Variants in DRC4 observed in about 807,000 individuals in gnomAD.
DRC4 encodes GAS-11.
At chr16:90,021,582 G>C in the DRC4 span, among the ~76,000 whole-genome samples, 2 of 151,970 alleles carry the variant, frequency 1.3e-5, no homozygotes, top group East Asian at 3.9e-4. Flanking sequence ...TTAAAGATGA[G>C]AGCTTAGGGC....
At chr16:90,021,718 A>G in the DRC4 span, among the ~76,000 whole-genome samples, 1 of 152,048 alleles carries the variant, frequency 6.6e-6, no homozygotes, top group Non-Finnish European at 1.5e-5. Context: ...AACTTAAAAA[A>G]AAAAGCTGGG....
the DRC4 span, chr16:90,043,532 G>A: frequency 1.6e-6 from 1 of 640,432 alleles, no homozygotes; most frequent in South Asian, 1.9e-5. Flanking sequence ...CTCACCCATG[G>A]TGTCCCTGTC....
the DRC4 span, among the ~76,000 whole-genome samples, chr16:90,034,491 G>T: frequency 6.6e-6 from 1 of 151,968 alleles, no homozygotes; most frequent in Non-Finnish European, 1.5e-5. Context: ...GCGTGGTGGC[G>T]CACACCTATA....
At chr16:90,036,253 G>A in the DRC4 span, 1 of 792,918 alleles carries the variant, frequency 1.3e-6, no homozygotes. Context: ...TTCTCTTGCA[G>A]AGCTTTTGCC....
At chr16:90,019,844 G>C in the DRC4 span, 1 of 687,526 alleles carries the variant, frequency 1.5e-6, no homozygotes, top group South Asian at 1.5e-5. This position sits in a 1 kb window ranked among gnomAD's most constrained non-coding sequence, Gnocchi z 6.1. Context: ...GGCCTGACTC[G>C]CGCTGGGTAA....
the DRC4 span, among the ~76,000 whole-genome samples, chr16:90,031,833 C>T: frequency 2.6e-4 from 39 of 152,272 alleles, no homozygotes; most frequent in African/African-American, 7.9e-4. Flanking sequence ...CATAGGTGAA[C>T]AGGCATGTGT....
the DRC4 span, among the ~76,000 whole-genome samples, chr16:90,025,577 G>A: frequency 6.8e-6 from 1 of 148,046 alleles, no homozygotes; most frequent in African/African-American, 2.5e-5. Context: ...TTGAATCCGG[G>A]AGGCGGAGGT....
chr16:90,027,775 C>G, the DRC4 span: 1 of 1,508,598 alleles, frequency 6.6e-7, no homozygotes, highest in Non-Finnish European at 9.2e-7. Flanking sequence ...GCGGGCACCA[C>G]GCAGGGTGCC....
At chr16:90,043,330 G>T in the DRC4 span, 1 of 1,602,030 alleles carries the variant, frequency 6.2e-7, no homozygotes. Flanking sequence ...CGGGACTGGT[G>T]GGCACCCCGA....
chr16:90,034,668 C>T, the DRC4 span, among the ~76,000 whole-genome samples: 1 of 151,702 alleles, frequency 6.6e-6, no homozygotes, highest in African/African-American at 2.4e-5. Flanking sequence ...TTTTTTTATG[C>T]AAATTTTAAA....
chr16:90,029,292 G>A, the DRC4 span: 1 of 1,366,370 alleles, frequency 7.3e-7, no homozygotes, highest in Non-Finnish European at 9.8e-7. Flanking sequence ...CAGGTGGGGA[G>A]GGATGGGGGT....
chr16:90,040,488 G>A, the DRC4 span: 4 of 1,604,592 alleles, frequency 2.5e-6, no homozygotes, highest in East Asian at 2.3e-5. Context: ...CAGCCCTGAC[G>A]CTGGTGTCCC....
At chr16:90,043,090 C>A in the DRC4 span, 11 of 1,315,350 alleles carry the variant, frequency 8.4e-6, no homozygotes, top group Admixed American at 2.3e-4. Flanking sequence ...TGGCTTTATC[C>A]TTCTGCACCG....
At chr16:90,043,765 C>A in the DRC4 span, 1 of 473,632 alleles carries the variant, frequency 2.1e-6, no homozygotes, top group Non-Finnish European at 4.4e-6. Context: ...TCACAGCTGC[C>A]CAGTGGGATT....
At chr16:90,024,363 A>G in the DRC4 span, among the ~76,000 whole-genome samples, 1 of 152,226 alleles carries the variant, frequency 6.6e-6, no homozygotes, top group Non-Finnish European at 1.5e-5. Flanking sequence ...TGAGCCCTGA[A>G]CAAAGAGTTA....
At chr16:90,037,644 T>C in the DRC4 span, 1 of 1,098,190 alleles carries the variant, frequency 9.1e-7, no homozygotes, top group South Asian at 1.3e-5. Context: ...GCTTGTGTCC[T>C]GGAACCAGGT....
the DRC4 span, chr16:90,027,670 A>G: frequency 1.9e-3 from 3,068 of 1,614,190 alleles, 55 homozygotes; most frequent in African/African-American, 0.038. Flanking sequence ...GGCAAAGCCA[A>G]AGGCACCCCG....
the DRC4 span, among the ~76,000 whole-genome samples, chr16:90,041,430 G>A: frequency 6.6e-6 from 1 of 152,210 alleles, no homozygotes; most frequent in African/African-American, 2.4e-5. Context: ...AGCCCAAGAA[G>A]TCCCTGCCTC....
chr16:90,037,548 TG>T, the DRC4 span: 1 of 1,089,372 alleles, frequency 9.2e-7, no homozygotes, highest in Non-Finnish European at 1.3e-6. Flanking sequence ...CGTGTTCTCC[TG>T]GGGAAAGTAA....
Sources: allele counts gnomAD v4.1 joint callset (sites outside exome capture counted in the v4.1 genomes callset), GRCh38; gene constraint gnomAD v4.1.1; non-coding constraint Gnocchi (gnomAD v3.1); transcripts MANE v1.5; gene names NCBI Gene and HGNC (gene_info 2026-07-23, HGNC 2026-07-21).